Variants in FERMT1 observed in about 807,000 individuals in gnomAD.
FERMT1 encodes FERM domain containing kindlin 1, also known as fermitin family homolog 1.
Under a neutral mutation model 85.3 loss-of-function variants are expected in FERMT1, and 60 were observed. The ratio of observed to expected loss-of-function variants is 0.70; its 90% CI spans 0.57 to 0.87. FERMT1 has a LOEUF of 0.87. Among genes scored for constraint, FERMT1 ranks in the 40% least tolerant of loss-of-function variants. FERMT1 has a pLI of 0.00. For missense variants in FERMT1, 701 were observed against 818.9 expected (o/e 0.86, Z 1.76); for synonymous variants, 275 against 301.1 (o/e 0.91, Z 0.90).
In FERMT1 at chr20:6,122,775, T is replaced by A. The variant is rs869312722; in HGVS notation, c.-20A>T. On this transcript the variant is annotated splice_region_variant and 5_prime_UTR_variant, in exon 1 of 15. Coordinates refer to ENST00000217289, the MANE Select transcript of FERMT1 (RefSeq NM_017671.5). ...CAGCCCTAGCTCCGGAGCACCCACCTCCTTTCCAGGAGCCCGTAGCGTCCA... is the reference window on the plus strand; with the variant it reads ...CAGCCCTAGCTCCGGAGCACCCACCACCTTTCCAGGAGCCCGTAGCGTCCA... The A allele has an allele frequency of 6.6e-6, 1 of 152,292 alleles. No homozygotes were observed. The highest frequency in any genetic ancestry group is 1.5e-5 in the Non-Finnish European group (1 of 68,140). 9.4% of individuals were successfully genotyped at this position (152,292 alleles called of 1,614,324 possible).
chr20:6,084,217 T>C, intron 12 of FERMT1, 53 bp from the exon 13 acceptor site: 1 of 1,571,058 alleles, frequency 6.4e-7, no homozygotes, highest in Non-Finnish European at 8.6e-7. Context: ...TGCTCTGTGA[T>C]CACCCTGTTA....
At chr20:6,110,007 T>C (rs907059931) in intron 5 of FERMT1, among the ~76,000 whole-genome samples, 5 of 152,156 alleles carry the variant, frequency 3.3e-5, no homozygotes, top group Admixed American at 6.5e-5. Context: ...AACACACTTA[T>C]TAACTACCCT....
intron 6 of FERMT1, 148 bp from the exon 7 acceptor site, chr20:6,097,779 T>C (rs1982549728): frequency 3.0e-6 from 2 of 666,246 alleles, no homozygotes; most frequent in African/African-American, 1.8e-5. Context: ...TATTGTGCCA[T>C]ATACTCAGCA....
At chr20:6,086,184 G>T (rs1982180252) in intron 11 of FERMT1, among the ~76,000 whole-genome samples, 1 of 151,690 alleles carries the variant, frequency 6.6e-6, no homozygotes, top group Admixed American at 6.6e-5. Flanking sequence ...AGTGCCATGG[G>T]GCACAGATAG....
rs893792625 is a variant in FERMT1, at chr20:6,097,438, A to G, written c.957+86T>C. 10 of 939,710 alleles carry G rather than the reference A, an allele frequency of 1.1e-5. No individual in the cohort carries two copies. In the African/African-American group the frequency reaches 1.3e-4, roughly 12 times the overall value. 58.2% of individuals were successfully genotyped at this position (939,710 alleles called of 1,614,324 possible). ...TCAGATATTTCTTCAAAGAACAAAA[A>G]AAAACCAGTATGAAGCATATGAAAC... On this transcript the variant is annotated intron_variant, in intron 7 of 14. Transcript: ENST00000217289.
In FERMT1 at chr20:6,097,514, G is replaced by A. The variant is rs368444538; in HGVS notation, c.957+10C>T. 1.9e-6 allele frequency: 3 copies of A among 1,589,246 alleles called. No individual in the cohort carries two copies. The South Asian group carries it at 3.3e-5, about 18-fold the overall frequency. On this transcript the variant is annotated intron_variant, in intron 7 of 14. Coordinates refer to ENST00000217289, the MANE Select transcript of FERMT1 (RefSeq NM_017671.5). Reference sequence around the variant, plus strand: ...CTCCTTCCAGAGAAAAGGTACTGAAGTTCCCATACCTGTAGAGCTGCAAAG... The same window carrying A: ...CTCCTTCCAGAGAAAAGGTACTGAAATTCCCATACCTGTAGAGCTGCAAAG...
intron 5 of FERMT1, among the ~76,000 whole-genome samples, chr20:6,108,678 C>T (rs749805530): frequency 6.6e-6 from 1 of 152,022 alleles, no homozygotes; most frequent in Non-Finnish European, 1.5e-5. Flanking sequence ...GGTGTTGTGG[C>T]ACATGGCTGT....
At position 6,110,362 on chromosome 20, in the gene FERMT1, G is replaced by A; in HGVS notation, c.682C>T (p.Pro228Ser). Residue 228 changes from proline (P) to serine (S), a missense_variant, in exon 5 of 15, where the codon CCA becomes TCA. Pro to Ser is a moderately conservative substitution (Grantham distance 74, BLOSUM62 -1). Coordinates refer to ENST00000217289, the MANE Select transcript of FERMT1 (RefSeq NM_017671.5). ...ILAFSQPPQSPEALADMYQPR... is the reference protein window; with the variant it reads ...ILAFSQPPQSSEALADMYQPR... ...TGGTACATATCCGCAAGTGCTTCTG[G>A]GGACTGGGGGGGTTGGCTGAATGCG... 1.2e-6 allele frequency: 2 copies of A among 1,613,876 alleles called. No individual in the cohort carries two copies. Among genetic ancestry groups the A allele is most frequent in the African/African-American group, 1.3e-5 (1 of 75,000 alleles).
intron 9 of FERMT1, among the ~76,000 whole-genome samples, chr20:6,093,892 G>T (rs1982430731): frequency 6.6e-6 from 1 of 152,178 alleles, no homozygotes; most frequent in South Asian, 2.1e-4. Context: ...GGAGGTGGAG[G>T]TTGCAGTGAG....
chr20:6,079,421 A>C lies in FERMT1; in HGVS notation c.1860+15T>G, dbSNP rs763340882. The C allele has an allele frequency of 6.2e-7, 1 of 1,614,076 alleles. No individual in the cohort carries two copies. Among genetic ancestry groups the C allele is most frequent in the Middle Eastern group, 1.6e-4 (1 of 6,062 alleles). On this transcript the variant is annotated intron_variant, in intron 14 of 14. Transcript: ENST00000217289. ...TTATAGGCTCAACACTGAAGAGCAA[A>C]AACTTTCACTTTACCTGCCGGGTTT... is the stretch of plus-strand genomic sequence containing the variant.
At chr20:6,112,682 C>G in intron 3 of FERMT1, 59 bp from the exon 4 acceptor site, 1 of 1,208,618 alleles carries the variant, frequency 8.3e-7, no homozygotes, top group Non-Finnish European at 1.1e-6. Context: ...CCTTCTAAGA[C>G]TCAGGGTCAT....
Position 6,119,264 on chromosome 20 carries a change from C to A in FERMT1, c.151+140G>T, listed in dbSNP as rs964759633. 6.6e-6 allele frequency: 6 copies of A among 907,314 alleles called. No individual in the cohort carries two copies. In the African/African-American group the frequency reaches 9.9e-5, roughly 15 times the overall value. The allele number at this position is 907,314 out of a possible 1,614,324, so 56.2% of individuals were successfully genotyped here. On this transcript the variant is annotated intron_variant, in intron 2 of 14. Transcript: ENST00000217289. ...CACCCAGCCTGGGCTATTTCTTTCT[C>A]TCCTCTGGGATGAGGGGTGGGGGAT... is the stretch of plus-strand genomic sequence containing the variant.
chr20:6,097,336 T>C (rs1982534108), intron 7 of FERMT1, among the ~76,000 whole-genome samples, 188 bp downstream of exon 7: 1 of 152,174 alleles, frequency 6.6e-6, no homozygotes, highest in Non-Finnish European at 1.5e-5. Flanking sequence ...ATGAGGAGCA[T>C]TTTAAATTAA....
At chr20:6,111,524 C>T (rs1397507944) in intron 4 of FERMT1, among the ~76,000 whole-genome samples, 1 of 152,022 alleles carries the variant, frequency 6.6e-6, no homozygotes, top group African/African-American at 2.4e-5. Context: ...TCCAGCTACT[C>T]AGGAGGCTGA....
At chr20:6,085,411 G>A (rs1321487990) in intron 11 of FERMT1, 124 bp from the exon 12 acceptor site, 2 of 813,522 alleles carry the variant, frequency 2.5e-6, no homozygotes, top group Non-Finnish European at 4.2e-6. Flanking sequence ...AAGATGTGAA[G>A]TGGCACACGT....
intron 6 of FERMT1, among the ~76,000 whole-genome samples, chr20:6,099,452 A>G (rs2123122335): frequency 6.6e-6 from 1 of 152,232 alleles, no homozygotes. Context: ...TACAATATGA[A>G]TGAAGCTTGA....
intron 2 of FERMT1, among the ~76,000 whole-genome samples, chr20:6,119,073 G>A (rs908456291): frequency 2.6e-5 from 4 of 151,858 alleles, no homozygotes; most frequent in Admixed American, 6.6e-5. Context: ...TCAGGCTTCC[G>A]AGTAGCTGGG....
intron 3 of FERMT1, among the ~76,000 whole-genome samples, chr20:6,113,643 C>G (rs1346765744): frequency 6.6e-6 from 1 of 152,044 alleles, no homozygotes; most frequent in Admixed American, 6.6e-5. Flanking sequence ...CTGCAACAGC[C>G]CACATATTCC....
At chr20:6,085,334 C>G in intron 11 of FERMT1, 47 bp from the exon 12 acceptor site, 5 of 1,544,524 alleles carry the variant, frequency 3.2e-6, no homozygotes, top group Non-Finnish European at 4.5e-6. Context: ...GCAAAGCCCC[C>G]TGCTGCACAC....
Sources: allele counts gnomAD v4.1 joint callset (sites outside exome capture counted in the v4.1 genomes callset), GRCh38; gene constraint gnomAD v4.1.1; transcripts MANE v1.5; gene names NCBI Gene and HGNC (gene_info 2026-07-23, HGNC 2026-07-21).